IMMP2L: variants seen among roughly 807,000 people sequenced by gnomAD.
IMMP2L encodes the protein mitochondrial inner membrane protease subunit 2.
In IMMP2L, 18 loss-of-function variants were observed where a neutral mutation model predicts 19.3. The ratio of observed to expected loss-of-function variants is 0.93; its 90% CI spans 0.64 to 1.38. IMMP2L has a LOEUF of 1.38. Ranked by LOEUF, IMMP2L falls within the 40% of genes most tolerant of loss-of-function variation. IMMP2L has a pLI of 0.00. For synonymous variants in IMMP2L, 76 were observed against 73.0 expected, an observed-to-expected ratio of 1.04 and a Z score of -0.21; for missense variants, 233 against 218.2, an observed-to-expected ratio of 1.07 and a Z score of -0.43.
At chr7:111,480,184 C>T (rs1477987404) in intron 3 of IMMP2L, among the ~76,000 whole-genome samples, 3 of 151,284 alleles carry the variant, frequency 2.0e-5, no homozygotes, top group Non-Finnish European at 2.9e-5. Context: ...CCCAGGTTCA[C>T]GCCATTCTCC....
At chr7:110,663,751 A>G (rs753059122) in intron 5 of IMMP2L, 30 bp from the exon 6 acceptor site, 2 of 1,470,390 alleles carry the variant, frequency 1.4e-6, no homozygotes, top group South Asian at 2.7e-5. Flanking sequence ...AAAGAAAGCA[A>G]TAAAGAGATC....
chr7:111,377,257 G>GTGTGTA (rs1830754884), intron 3 of IMMP2L, among the ~76,000 whole-genome samples: 1 of 151,666 alleles, frequency 6.6e-6, no homozygotes, highest in Admixed American at 6.6e-5. Flanking sequence ...ATATATATAT[G>GTGTGTA]TGTGTATGTG....
At chr7:111,023,709 A>C (rs1826528174) in intron 3 of IMMP2L, among the ~76,000 whole-genome samples, 1 of 152,132 alleles carries the variant, frequency 6.6e-6, no homozygotes, top group Non-Finnish European at 1.5e-5. Flanking sequence ...CTCCATCTTA[A>C]AACAAAACAA....
rs143985121 is a variant in IMMP2L at position 111,188,530 on chromosome 7, TA to T, written c.240-224966del. Among the ~76,000 whole-genome samples the T allele has an allele frequency of 9.4e-3, 1,427 of 152,180 alleles. 24 individuals are homozygous for T. The highest frequency in any genetic ancestry group is 0.032 in the African/African-American group (1,323 of 41,484). On this transcript the variant is annotated intron_variant, in intron 3 of 5. Coordinates refer to ENST00000405709, the MANE Select transcript of IMMP2L (RefSeq NM_032549.4). ...GTTACCTCCCAAAGGCTCCACCTCC[TA>T]ATACCATCATATTTGGAGTTAAGAT... is the stretch of plus-strand genomic sequence containing the variant.
chr7:110,745,595 T>G (rs978246116), intron 5 of IMMP2L, among the ~76,000 whole-genome samples: 3 of 152,212 alleles, frequency 2.0e-5, no homozygotes, highest in African/African-American at 4.8e-5. Context: ...GGGGCCAATA[T>G]TCAACATTCT....
chr7:111,495,834 T>C (rs1325984245), intron 2 of IMMP2L, among the ~76,000 whole-genome samples: 2 of 152,164 alleles, frequency 1.3e-5, no homozygotes, highest in Admixed American at 6.5e-5. Flanking sequence ...GGTACAATGC[T>C]TTCAACCTTT....
In IMMP2L at chr7:111,480,733, TG is replaced by T. The variant is rs1842112504; in HGVS notation, c.239+6504del. ...TTAACTACAAACTCAGAAAAATGTTTGGCCATAGATTTTAAAAATTGGGAAT... is the reference window on the plus strand; with the variant it reads ...TTAACTACAAACTCAGAAAAATGTTTGCCATAGATTTTAAAAATTGGGAAT... On this transcript the variant is annotated intron_variant, in intron 3 of 5. Transcript: ENST00000405709. 5.3e-5 allele frequency among the ~76,000 whole-genome samples: 8 copies of T among 152,228 alleles called. No individual in the cohort carries two copies. The South Asian group carries it at 1.5e-3, about 28-fold the overall frequency.
intron 5 of IMMP2L, among the ~76,000 whole-genome samples, chr7:110,736,100 G>A (rs1339098396): frequency 6.6e-6 from 1 of 152,114 alleles, no homozygotes; most frequent in Non-Finnish European, 1.5e-5. Flanking sequence ...TGTGGCTCAA[G>A]TAGGCCCAGG....
chr7:111,549,654 T>C (rs12111669), intron 1 of IMMP2L, among the ~76,000 whole-genome samples: 124,369 of 152,090 alleles, frequency 0.82, 52,004 homozygotes, highest in East Asian at 0.97. Context: ...AATAGTAAGA[T>C]TCTGGCCACG....
At chr7:111,501,087 C>G (rs1459877259) in intron 2 of IMMP2L, among the ~76,000 whole-genome samples, 1 of 151,572 alleles carries the variant, frequency 6.6e-6, no homozygotes, top group Non-Finnish European at 1.5e-5. Flanking sequence ...AAAAATTAGA[C>G]GAATGGATAC....
intron 2 of IMMP2L, among the ~76,000 whole-genome samples, chr7:111,505,595 G>A (rs976136716): frequency 1.3e-5 from 2 of 152,058 alleles, no homozygotes; most frequent in Admixed American, 6.6e-5. Flanking sequence ...GATAGACTAG[G>A]TTAAGAAAAT....
chr7:110,689,277 A>G (rs1032839807), intron 5 of IMMP2L, among the ~76,000 whole-genome samples: 2 of 152,186 alleles, frequency 1.3e-5, no homozygotes, highest in African/African-American at 4.8e-5. Flanking sequence ...TCCTTTATAA[A>G]GATTTTTAAT....
intron 5 of IMMP2L, among the ~76,000 whole-genome samples, chr7:110,730,602 G>T (rs1431295472): frequency 2.0e-5 from 3 of 150,932 alleles, no homozygotes; most frequent in Non-Finnish European, 2.9e-5. Context: ...TCGGCTCACT[G>T]CAAGCTCCGC....
At chr7:111,223,934 G>A (rs1812792577) in intron 3 of IMMP2L, among the ~76,000 whole-genome samples, 1 of 152,058 alleles carries the variant, frequency 6.6e-6, no homozygotes, top group African/African-American at 2.4e-5. Flanking sequence ...GAAATGATAA[G>A]AGAAACCAGC....
chr7:111,366,982 G>A (rs1056939229), intron 3 of IMMP2L, among the ~76,000 whole-genome samples: 8 of 151,902 alleles, frequency 5.3e-5, no homozygotes, highest in African/African-American at 1.7e-4. Context: ...CAACTTTGAT[G>A]TAAGTTTAAA....
At chr7:110,893,959 T>C (rs1020036577) in intron 4 of IMMP2L, among the ~76,000 whole-genome samples, 2 of 152,114 alleles carry the variant, frequency 1.3e-5, no homozygotes, top group Admixed American at 6.5e-5. Flanking sequence ...AACTTATCTA[T>C]GAGTTTACTT....
chr7:110,666,467 G>C (rs989931968), intron 5 of IMMP2L, among the ~76,000 whole-genome samples: 14 of 151,864 alleles, frequency 9.2e-5, no homozygotes, highest in Admixed American at 9.2e-4. Context: ...GTAGAGATGG[G>C]GTTTCACCAT....
At chr7:111,185,094 A>G (rs117391533) in intron 3 of IMMP2L, among the ~76,000 whole-genome samples, 89 of 152,314 alleles carry the variant, frequency 5.8e-4, no homozygotes, top group Non-Finnish European at 9.6e-4. Flanking sequence ...CAAGAGACTC[A>G]TATCATTCCC....
intron 3 of IMMP2L, among the ~76,000 whole-genome samples, chr7:111,255,592 C>T (rs1424992696): frequency 6.6e-6 from 1 of 151,318 alleles, no homozygotes; most frequent in African/African-American, 2.4e-5. Context: ...ATCATTTTAC[C>T]CTAATAAAAT....
Sources: allele counts gnomAD v4.1 joint callset (sites outside exome capture counted in the v4.1 genomes callset), GRCh38; gene constraint gnomAD v4.1.1; transcripts MANE v1.5; gene names NCBI Gene and HGNC (gene_info 2026-07-23, HGNC 2026-07-21).